CXCL13: variants seen among roughly 807,000 people sequenced by gnomAD.
CXCL13 encodes C-X-C motif chemokine ligand 13.
A neutral mutation model predicts 12.2 loss-of-function variants in CXCL13; 7 were observed. The ratio of observed to expected loss-of-function variants is 0.57; its 90% CI spans 0.33 to 1.07. The LOEUF (loss-of-function observed/expected upper bound fraction) is 1.07. Among genes scored for constraint, CXCL13 ranks in the 50% least tolerant of loss-of-function variants. CXCL13 has a pLI of 0.04. For missense variants in CXCL13, 113 were observed against 127.4 expected, an observed-to-expected ratio of 0.89 and a Z score of 0.55; for synonymous variants, 47 against 42.4, an observed-to-expected ratio of 1.11 and a Z score of -0.42.
chr4:77,561,101 C>T (rs1359925661), intron 1 of CXCL13, among the ~76,000 whole-genome samples: 1 of 152,162 alleles, frequency 6.6e-6, no homozygotes, highest in Non-Finnish European at 1.5e-5. Flanking sequence ...ATTAAACCCA[C>T]AGATTAAACC....
chr4:77,513,643 G>A (rs1380391351), intron 1 of CXCL13, among the ~76,000 whole-genome samples: 2 of 151,752 alleles, frequency 1.3e-5, no homozygotes, highest in African/African-American at 4.8e-5. Flanking sequence ...TAGTAGAGTC[G>A]GGGTTTTACC....
chr4:77,527,829 G>A (rs1164604574), intron 1 of CXCL13, among the ~76,000 whole-genome samples: 1 of 151,840 alleles, frequency 6.6e-6, no homozygotes, highest in Non-Finnish European at 1.5e-5. Flanking sequence ...TGCATAACGT[G>A]CAGGTTAGTT....
At position 77,532,323 on chromosome 4, in the gene CXCL13, G is replaced by C. The variant is rs953115406; in HGVS notation, c.-43+20535G>C. Reference sequence around the variant, plus strand: ...ACTTATGAAGCTTAGTTTGGCTGGAGATGAAATTCTGAGTTGAAAATTCTT... The same window carrying C: ...ACTTATGAAGCTTAGTTTGGCTGGACATGAAATTCTGAGTTGAAAATTCTT... On this transcript the variant is annotated intron_variant, in intron 1 of 4. Coordinates refer to the CXCL13 transcript ENST00000286758. Among the ~76,000 whole-genome samples the C allele has an allele frequency of 1.1e-3, 163 of 152,236 alleles. 1 individual carries two copies. Among genetic ancestry groups the C allele is most frequent in the African/African-American group, 3.8e-3 (158 of 41,556 alleles).
chr4:77,549,513 G>A (rs1398360863), intron 1 of CXCL13, among the ~76,000 whole-genome samples: 2 of 152,164 alleles, frequency 1.3e-5, no homozygotes, highest in African/African-American at 2.4e-5. Flanking sequence ...CCTACAGATG[G>A]GGTTTTGGTG....
chr4:77,547,970 T>A (rs1371152349), intron 1 of CXCL13, among the ~76,000 whole-genome samples: 1 of 152,178 alleles, frequency 6.6e-6, no homozygotes, highest in East Asian at 1.9e-4. Flanking sequence ...TGTACAGGAT[T>A]TTATATCTCA....
intron 1 of CXCL13, among the ~76,000 whole-genome samples, chr4:77,562,191 GC>G (rs1419097580): frequency 4.3e-5 from 2 of 46,856 alleles, no homozygotes; most frequent in Non-Finnish European, 8.5e-5. Flanking sequence ...CATCACTGCA[GC>G]CCCCCGCCCC....
At chr4:77,545,700 C>A (rs182112006) in intron 1 of CXCL13, among the ~76,000 whole-genome samples, 1 of 152,296 alleles carries the variant, frequency 6.6e-6, no homozygotes, top group East Asian at 1.9e-4. Context: ...CAAACAGAGA[C>A]AATTTGACTT....
At chr4:77,524,341 G>T (rs1020477053) in intron 1 of CXCL13, among the ~76,000 whole-genome samples, 1 of 152,196 alleles carries the variant, frequency 6.6e-6, no homozygotes, top group African/African-American at 2.4e-5. Context: ...TACAGAGGTG[G>T]AGTCTATAGA....
intron 2 of CXCL13, among the ~76,000 whole-genome samples, chr4:77,608,096 G>T (rs528206768): frequency 1.8e-4 from 28 of 152,226 alleles, no homozygotes; most frequent in African/African-American, 6.7e-4. Flanking sequence ...ACAGTCTGAG[G>T]CTTAGGAAGG....
intron 1 of CXCL13, among the ~76,000 whole-genome samples, chr4:77,545,309 T>C (rs1240294908): frequency 1.3e-5 from 2 of 152,214 alleles, no homozygotes; most frequent in Non-Finnish European, 2.9e-5. Flanking sequence ...TTGATGGGGA[T>C]GGCATTGAAT....
chr4:77,562,812 A>G (rs558296407), intron 1 of CXCL13, among the ~76,000 whole-genome samples: 1 of 152,264 alleles, frequency 6.6e-6, no homozygotes, highest in Admixed American at 6.5e-5. Flanking sequence ...AGGGATTGTA[A>G]ACGCATCAAT....
intron 2 of CXCL13, among the ~76,000 whole-genome samples, chr4:77,608,440 C>CAA (rs5859581): frequency 7.7e-6 from 1 of 129,598 alleles, no homozygotes; most frequent in Non-Finnish European, 1.7e-5. Context: ...AACTCCATCT[C>CAA]AAAAAAAAAA....
chr4:77,536,690 A>T (rs1407306769), intron 1 of CXCL13, among the ~76,000 whole-genome samples: 1 of 152,224 alleles, frequency 6.6e-6, no homozygotes, highest in East Asian at 1.9e-4. Flanking sequence ...TACAAGGTGC[A>T]AAGTGTGGCA....
intron 1 of CXCL13, among the ~76,000 whole-genome samples, chr4:77,545,581 T>A (rs1393505937): frequency 6.6e-6 from 1 of 152,186 alleles, no homozygotes; most frequent in Non-Finnish European, 1.5e-5. Context: ...TGCTTGTGAG[T>A]TTTGCACATT....
chr4:77,562,700 C>A (rs1407212705), intron 1 of CXCL13, among the ~76,000 whole-genome samples: 3 of 142,852 alleles, frequency 2.1e-5, no homozygotes, highest in Non-Finnish European at 4.4e-5. Flanking sequence ...GTAAACATAC[C>A]AATCAGCACC....
In CXCL13 at chr4:77,517,725, G is replaced by A. The variant is rs192148224; in HGVS notation, c.-43+5937G>A. On this transcript the variant is annotated intron_variant, in intron 1 of 4. Coordinates refer to the CXCL13 transcript ENST00000286758. ...TCTCTGCATGTGAGATGGGTTTCCC[G>A]AATACAACACACTGATGGGTCTTGA... Among the ~76,000 whole-genome samples, 681 of 152,186 alleles carry A rather than the reference G, an allele frequency of 4.5e-3. 8 individuals carry two copies. Among genetic ancestry groups the A allele is most frequent in the African/African-American group, 0.015 (637 of 41,510 alleles).
chr4:77,555,004 T>G (rs1367756599), intron 1 of CXCL13, among the ~76,000 whole-genome samples: 1 of 151,682 alleles, frequency 6.6e-6, no homozygotes, highest in Non-Finnish European at 1.5e-5. Flanking sequence ...TGATACAAAA[T>G]TTTACATTAA....
At chr4:77,603,874 G>T (rs529801010), upstream of CXCL13, among the ~76,000 whole-genome samples, 129 of 152,268 alleles carry the variant, frequency 8.5e-4, no homozygotes, top group African/African-American at 3.0e-3. Context: ...TATACCAGGT[G>T]CTTTCTTCTC....
chr4:77,534,060 C>A (rs914983683), intron 1 of CXCL13, among the ~76,000 whole-genome samples: 1 of 152,236 alleles, frequency 6.6e-6, no homozygotes, highest in Non-Finnish European at 1.5e-5. Flanking sequence ...CTTTCCGACA[C>A]TCCCCAGTGA....
Sources: allele counts gnomAD v4.1 joint callset (sites outside exome capture counted in the v4.1 genomes callset), GRCh38; gene constraint gnomAD v4.1.1; transcripts MANE v1.5; gene names NCBI Gene and HGNC (gene_info 2026-07-23, HGNC 2026-07-21).